ADSL: variants seen among roughly 807,000 people sequenced by gnomAD.
ADSL encodes the protein adenylosuccinate lyase, also known as adenylosuccinase.
ADSL carries 44 observed loss-of-function variants against 62.1 expected under a neutral mutation model. The ratio of observed to expected loss-of-function variants is 0.71; its 90% CI spans 0.56 to 0.91. ADSL has a LOEUF of 0.91. Ranked by LOEUF, ADSL falls within the 40% of genes least tolerant of loss-of-function variation. The probability of loss-of-function intolerance (pLI) is 0.00; values close to 1 mark genes in which losing one functional copy is unlikely to be tolerated. For missense variants in ADSL, 531 were observed against 627.4 expected, an observed-to-expected ratio of 0.85 and a Z score of 1.64; for synonymous variants, 198 against 220.5, an observed-to-expected ratio of 0.90 and a Z score of 0.90.
intron 1 of ADSL, chr22:40,348,622 C>A (rs1569085637): frequency 2.5e-6 from 1 of 398,502 alleles, no homozygotes; most frequent in East Asian, 3.6e-5. Flanking sequence ...CTCAAGCGAT[C>A]CACCGACCTT....
chr22:40,356,484 AAGATCGCGCCGCTGCACTCC>A (rs2044562794), intron 4 of ADSL, among the ~76,000 whole-genome samples: 1 of 150,644 alleles, frequency 6.6e-6, no homozygotes, highest in African/African-American at 2.4e-5. Context: ...GCAGTGAGCC[AAGATCGCGCCGCTGCACTCC>A]AGCCTGGGCG....
chr22:40,365,809 C>T (rs2044983195), intron 12 of ADSL, among the ~76,000 whole-genome samples: 1 of 151,820 alleles, frequency 6.6e-6, no homozygotes, highest in South Asian at 2.1e-4. Flanking sequence ...GTCAAGGCTG[C>T]AGTGAGCCAT....
At chr22:40,360,170 A>G (rs2044727245) in intron 6 of ADSL, among the ~76,000 whole-genome samples, 1 of 152,216 alleles carries the variant, frequency 6.6e-6, no homozygotes, top group African/African-American at 2.4e-5. Context: ...AACTTAGCAT[A>G]CCAATAAGAC....
At chr22:40,380,370 T>A (rs375973013) in intron 2 of ADSL, among the ~76,000 whole-genome samples, 45 of 151,290 alleles carry the variant, frequency 3.0e-4, no homozygotes, top group Non-Finnish European at 3.2e-4. Context: ...TATAATTTTT[T>A]TTTTTTTTTT....
chr22:40,359,423 ATTT>A, intron 6 of ADSL, 117 bp downstream of exon 6: 2 of 587,616 alleles, frequency 3.4e-6, no homozygotes, highest in Non-Finnish European at 5.4e-6. Context: ...TCTTCTACCC[ATTT>A]TTTTTTTTCC....
chr22:40,359,519 T>C (rs1714273701), intron 6 of ADSL, among the ~76,000 whole-genome samples: 1 of 140,776 alleles, frequency 7.1e-6, no homozygotes, highest in South Asian at 2.6e-4. Context: ...CTTGCTGACA[T>C]ATTTTCTGGA....
At chr22:40,350,132 T>TA in intron 2 of ADSL, 97 bp downstream of exon 2, 25 of 1,153,354 alleles carry the variant, frequency 2.2e-5, no homozygotes, top group South Asian at 2.8e-5. Context: ...ACACTATAGA[T>TA]CTTTTTTTTT....
At chr22:40,364,183 T>C in intron 10 of ADSL, 93 bp from the exon 11 acceptor site, 1 of 923,940 alleles carries the variant, frequency 1.1e-6, no homozygotes, top group Non-Finnish European at 1.7e-6. Context: ...GTAGTTAGTG[T>C]CTGTGCTGTG....
chr22:40,350,123 C>T (rs921460918), intron 2 of ADSL, 88 bp downstream of exon 2: 1 of 1,167,856 alleles, frequency 8.6e-7, no homozygotes, highest in Non-Finnish European at 1.2e-6. Context: ...GAGGAAGTGA[C>T]ACTATAGATC....
chr22:40,351,575 G>A (rs1008546443), intron 2 of ADSL, among the ~76,000 whole-genome samples: 1 of 152,188 alleles, frequency 6.6e-6, no homozygotes, highest in Non-Finnish European at 1.5e-5. Flanking sequence ...CCAAAGTCCT[G>A]GGATTACAGG....
At chr22:40,356,765 C>T (rs917274561) in intron 4 of ADSL, among the ~76,000 whole-genome samples, 5 of 152,066 alleles carry the variant, frequency 3.3e-5, no homozygotes, top group Non-Finnish European at 5.9e-5. Flanking sequence ...TTGGCTTGAG[C>T]CCAGGAGATT....
intron 4 of ADSL, among the ~76,000 whole-genome samples, chr22:40,357,293 A>T (rs985470270): frequency 2.5e-5 from 3 of 120,758 alleles, no homozygotes; most frequent in African/African-American, 6.6e-5. Flanking sequence ...CGCTTTTGTC[A>T]TCCAGGCTGG....
At chr22:40,350,919 T>C (rs1334286327) in intron 2 of ADSL, among the ~76,000 whole-genome samples, 1 of 152,076 alleles carries the variant, frequency 6.6e-6, no homozygotes, top group East Asian at 1.9e-4. Flanking sequence ...CATGAGCCAC[T>C]GTGCCTGGCC....
intron 4 of ADSL, among the ~76,000 whole-genome samples, chr22:40,356,428 A>T (rs979249153): frequency 2.1e-5 from 3 of 144,526 alleles, no homozygotes; most frequent in East Asian, 2.1e-4. Flanking sequence ...CCAGCTACTC[A>T]GGAGGCTGAG....
Position 40,361,298 on chromosome 22 carries a change from C to A in ADSL, c.818C>A (p.Ala273Glu), listed in dbSNP as rs962521087. The change falls in exon 8 of 13, where the codon GCA becomes GAA. Residue 273 changes from alanine to glutamate, a missense_variant. By Grantham distance (107) the Ala-to-Glu change is moderately radical. Around this residue, in one of 2 missense-constraint regions of ADSL, gnomAD observed 471 missense variants for 592.9 expected, o/e 0.79. Coordinates refer to ENST00000623063, the MANE Select transcript of ADSL (RefSeq NM_000026.4). ...ATTTGCACCGACATACGCCTCCTGG[C>A]AAACCTCAAGGAGATGGAGGAACCC... Reference protein sequence around the residue: ...HKICTDIRLLANLKEMEEPFE... With the variant: ...HKICTDIRLLENLKEMEEPFE... 1 of 1,614,162 alleles carries A rather than the reference C, an allele frequency of 6.2e-7. No individual in the cohort carries two copies. The highest frequency in any genetic ancestry group is 8.5e-7 in the Non-Finnish European group (1 of 1,180,024).
chr22:40,353,015 T>C, intron 2 of ADSL, 58 bp from the exon 3 acceptor site: 1 of 1,491,882 alleles, frequency 6.7e-7, no homozygotes, highest in East Asian at 2.3e-5. Flanking sequence ...AAGTGTTATG[T>C]AATAATATTG....
Position 40,366,614 on chromosome 22 carries a change from A to C in ADSL, c.*92A>C. ...GCCTTATTTTACCTCGAGAATTGTT[A>C]CCTTAAATTAGTACAGCACTTTCTT... On this transcript the variant is annotated 3_prime_UTR_variant, in exon 13 of 13. Transcript: ENST00000623063. 1 of 919,482 alleles carries C rather than the reference A, an allele frequency of 1.1e-6. No individual in the cohort carries two copies. The highest frequency in any genetic ancestry group is 1.4e-5 in the South Asian group (1 of 73,282). The allele number at this position is 919,482 out of a possible 1,614,324, so 57.0% of individuals were successfully genotyped here. A position where few individuals can be genotyped will look rare whatever the true frequency, so the allele number is the denominator to read the frequency against.
intron 2 of ADSL, among the ~76,000 whole-genome samples, chr22:40,382,130 C>T (rs769308951): frequency 2.6e-5 from 4 of 151,850 alleles, no homozygotes; most frequent in Non-Finnish European, 4.4e-5. Flanking sequence ...GTGGTGCCTG[C>T]CATGTGAGGT....
chr22:40,357,247 C>CTTTTTTTT (rs760770992), intron 4 of ADSL, among the ~76,000 whole-genome samples: 11 of 102,780 alleles, frequency 1.1e-4, no homozygotes, highest in Non-Finnish European at 2.0e-4. Context: ...TTGATTTGGG[C>CTTTTTTTT]TTTTTTTTTT....
Sources: gnomAD v4.1 joint callset for allele counts (sites outside exome capture counted in the v4.1 genomes callset) on GRCh38, gnomAD v4.1.1 for gene constraint, gnomAD v4.1.1 regional missense constraint, MANE v1.5 for transcripts, NCBI Gene and HGNC (gene_info 2026-07-23, HGNC 2026-07-21) for gene names.